The following GALNT7 variants were observed in gnomAD, a reference collection of about 807,000 sequenced individuals.
GALNT7 encodes N-acetylgalactosaminyltransferase 7.
Under a neutral mutation model 82.1 loss-of-function variants are expected in GALNT7, and 60 were observed. That is an observed-to-expected ratio of 0.73 (90% confidence interval 0.59 to 0.91). The LOEUF (loss-of-function observed/expected upper bound fraction) is 0.91, where lower values mean the gene tolerates loss of function less well. Ranked by LOEUF, GALNT7 falls within the 40% of genes least tolerant of loss-of-function variation. GALNT7 has a pLI of 0.00. For synonymous variants in GALNT7, 243 were observed against 275.1 expected (o/e 0.88, Z 1.15); for missense variants, 660 against 804.2 (o/e 0.82, Z 2.17).
intron 1 of GALNT7, among the ~76,000 whole-genome samples, chr4:173,232,937 A>T (rs572474292): frequency 6.6e-6 from 1 of 151,936 alleles, no homozygotes; most frequent in Admixed American, 6.6e-5. Flanking sequence ...ATTCTACTCT[A>T]CCTCGGTGAG....
chr4:173,201,577 G>GT (rs1293393218), intron 1 of GALNT7, among the ~76,000 whole-genome samples: 1 of 152,200 alleles, frequency 6.6e-6, no homozygotes, highest in Non-Finnish European at 1.5e-5. Flanking sequence ...GGCCAAACCA[G>GT]TAAGTCATTT....
At chr4:173,178,507 C>G (rs1213294604) in intron 1 of GALNT7, among the ~76,000 whole-genome samples, 1 of 152,154 alleles carries the variant, frequency 6.6e-6, no homozygotes, top group Non-Finnish European at 1.5e-5. Context: ...GCTTAATTTG[C>G]TAAGAATCCT....
chr4:173,171,398 A>T (rs1731867545), intron 1 of GALNT7, among the ~76,000 whole-genome samples: 1 of 152,188 alleles, frequency 6.6e-6, no homozygotes, highest in Admixed American at 6.5e-5. Context: ...GGATCCCTTT[A>T]AATAGCCTGA....
At chr4:173,272,316 T>TA (rs1159436993) in intron 2 of GALNT7, among the ~76,000 whole-genome samples, 1 of 152,258 alleles carries the variant, frequency 6.6e-6, no homozygotes, top group Non-Finnish European at 1.5e-5. Context: ...AACAAACTGA[T>TA]ACTATTTCAA....
intron 2 of GALNT7, among the ~76,000 whole-genome samples, chr4:173,258,186 T>A (rs984765884): frequency 6.6e-6 from 1 of 152,178 alleles, no homozygotes; most frequent in Non-Finnish European, 1.5e-5. Flanking sequence ...GGGCAGACAA[T>A]AATGTAACCT....
intron 1 of GALNT7, among the ~76,000 whole-genome samples, chr4:173,205,306 G>A (rs74811593): frequency 0.013 from 1,922 of 151,702 alleles, 34 homozygotes; most frequent in East Asian, 0.055. Flanking sequence ...CCTGGGGTAG[G>A]TCTTGAGTGT....
chr4:173,259,348 A>G (rs1735168738), intron 2 of GALNT7, among the ~76,000 whole-genome samples: 1 of 152,108 alleles, frequency 6.6e-6, no homozygotes, highest in South Asian at 2.1e-4. Context: ...CCATCATGGC[A>G]GATCTGAATA....
chr4:173,233,613 C>G (rs948322044), intron 1 of GALNT7, among the ~76,000 whole-genome samples: 3 of 152,158 alleles, frequency 2.0e-5, no homozygotes, highest in Non-Finnish European at 4.4e-5. Context: ...GGATTTGGAT[C>G]CCAAAGAAGA....
At chr4:173,281,933 T>G (rs1302237439) in intron 2 of GALNT7, among the ~76,000 whole-genome samples, 1 of 152,108 alleles carries the variant, frequency 6.6e-6, no homozygotes, top group African/African-American at 2.4e-5. Flanking sequence ...TCTGAACAAG[T>G]ACCCGGGGTT....
chr4:173,183,737 G>T (rs1579887350), intron 1 of GALNT7, among the ~76,000 whole-genome samples: 1 of 151,494 alleles, frequency 6.6e-6, no homozygotes, highest in South Asian at 2.1e-4. Context: ...GCCGGGCGGG[G>T]TCTGCCCCCC....
chr4:173,294,909 A>G (rs970595624), intron 3 of GALNT7, among the ~76,000 whole-genome samples: 1 of 152,202 alleles, frequency 6.6e-6, no homozygotes, highest in African/African-American at 2.4e-5. Context: ...CCAAGGTTAC[A>G]GCTTTCAACA....
At chr4:173,317,802 G>T (rs969329154) in intron 10 of GALNT7, 70 bp downstream of exon 10, 38 of 952,322 alleles carry the variant, frequency 4.0e-5, no homozygotes, top group Non-Finnish European at 5.7e-5. Context: ...ATCACAGAGT[G>T]ATCTTTGTAC....
chr4:173,184,323 G>C (rs1044957521), intron 1 of GALNT7, among the ~76,000 whole-genome samples: 1 of 152,072 alleles, frequency 6.6e-6, no homozygotes, highest in Non-Finnish European at 1.5e-5. Context: ...AGCACTGAGT[G>C]AGCGAGACTC....
At chr4:173,254,840 C>T (rs995841725) in intron 2 of GALNT7, among the ~76,000 whole-genome samples, 3 of 152,206 alleles carry the variant, frequency 2.0e-5, no homozygotes, top group African/African-American at 7.2e-5. Context: ...ATGTTGCTTA[C>T]TGACCTGAAA....
intron 1 of GALNT7, among the ~76,000 whole-genome samples, chr4:173,208,979 T>G (rs1197261932): frequency 1.3e-5 from 2 of 152,226 alleles, no homozygotes; most frequent in Non-Finnish European, 2.9e-5. Context: ...GAATTTATTT[T>G]GGTGGGTAGA....
chr4:173,208,193 G>A (rs915017327), intron 1 of GALNT7, among the ~76,000 whole-genome samples: 1 of 152,046 alleles, frequency 6.6e-6, no homozygotes, highest in African/African-American at 2.4e-5. Flanking sequence ...ATTATTCAAG[G>A]TTACAAAAGA....
In GALNT7 at chr4:173,313,976, G is replaced by C; in HGVS notation, c.1408G>C (p.Glu470Gln). 6.4e-7 allele frequency: 1 copy of C among 1,553,962 alleles called. No homozygotes were observed. Among genetic ancestry groups the C allele is most frequent in the Non-Finnish European group, 8.9e-7 (1 of 1,126,734 alleles). ...PTLKNYVRVV[E>Q]VWWDEYKDYF... ...TTTACAGAATTATGTTAGAGTTGTGGAGGTTTGGTGGGATGAATATAAAGA... is the reference window on the plus strand; with the variant it reads ...TTTACAGAATTATGTTAGAGTTGTGCAGGTTTGGTGGGATGAATATAAAGA... The change falls in exon 9 of 12, where the codon GAG (glutamate) becomes CAG (glutamine). Residue 470 changes from glutamate (E) to glutamine (Q), a missense_variant. Glu to Gln is a conservative substitution (Grantham distance 29). Around this residue, in one of 2 missense-constraint regions of GALNT7, gnomAD observed 527 missense variants for 683.5 expected, o/e 0.77. Transcript: ENST00000265000.
intron 1 of GALNT7, among the ~76,000 whole-genome samples, chr4:173,216,973 C>T (rs1181656291): frequency 2.6e-5 from 4 of 151,454 alleles, no homozygotes; most frequent in East Asian, 1.9e-4. Flanking sequence ...TCGGGTGATC[C>T]GCCTGCCTCG....
chr4:173,231,879 A>G (rs1017866368), intron 1 of GALNT7, among the ~76,000 whole-genome samples: 1 of 152,240 alleles, frequency 6.6e-6, no homozygotes, highest in Non-Finnish European at 1.5e-5. Flanking sequence ...AAGGAGCAAA[A>G]TACTAAGACT....
Sources: gnomAD v4.1 joint callset for allele counts (sites outside exome capture counted in the v4.1 genomes callset) on GRCh38, gnomAD v4.1.1 for gene constraint, gnomAD v4.1.1 regional missense constraint, MANE v1.5 for transcripts, NCBI Gene and HGNC (gene_info 2026-07-23, HGNC 2026-07-21) for gene names.